Variants in MAD1L1 observed in about 807,000 individuals in gnomAD.
The protein encoded by MAD1L1 is mitotic arrest deficient 1 like 1.
In MAD1L1, 95 loss-of-function variants were observed where a neutral mutation model predicts 96.9. That is an observed-to-expected ratio of 0.98 (90% CI 0.83 to 1.16). The LOEUF (loss-of-function observed/expected upper bound fraction) is 1.16, where lower values mean the gene tolerates loss of function less well. Among genes scored for constraint, MAD1L1 ranks in the 50% most tolerant of loss-of-function variants. The pLI, the probability that MAD1L1 is intolerant of heterozygous loss-of-function variation, is 0.00. For missense variants in MAD1L1, 1,007 were observed against 954.4 expected, an observed-to-expected ratio of 1.06 and a Z score of -0.73; for synonymous variants, 473 against 396.6, an observed-to-expected ratio of 1.19 and a Z score of -2.29.
chr7:1,872,126 C>T (rs902558642), intron 18 of MAD1L1, among the ~76,000 whole-genome samples: 2 of 152,330 alleles, frequency 1.3e-5, no homozygotes, highest in East Asian at 3.9e-4. Flanking sequence ...AGGCCATCTG[C>T]GCTCCCTCTG....
chr7:2,208,926 G>A (rs73041349), intron 10 of MAD1L1, among the ~76,000 whole-genome samples: 9,288 of 151,954 alleles, frequency 0.061, 385 homozygotes, highest in Non-Finnish European at 0.089. Context: ...CACACGCCTC[G>A]CACTGCTGCT....
intron 11 of MAD1L1, among the ~76,000 whole-genome samples, chr7:2,134,265 T>C (rs376181251): frequency 8.5e-5 from 13 of 152,248 alleles, no homozygotes; most frequent in African/African-American, 2.4e-4. Context: ...ATGTAAATAG[T>C]ACTGGGTGTT....
intron 18 of MAD1L1, among the ~76,000 whole-genome samples, chr7:1,870,370 T>A (rs1335316719): frequency 7.2e-6 from 1 of 139,188 alleles, no homozygotes; most frequent in South Asian, 2.4e-4. Flanking sequence ...GAACCCAACA[T>A]ACGCTTGCCA....
chr7:2,118,736 C>T (rs1303125357), intron 11 of MAD1L1, among the ~76,000 whole-genome samples: 1 of 152,288 alleles, frequency 6.6e-6, no homozygotes, highest in East Asian at 1.9e-4. Context: ...AGGCTCGGCT[C>T]ACAGTCTTCC....
At position 1,817,736 on chromosome 7, in the gene MAD1L1, C is replaced by G. The variant is rs535880199; in HGVS notation, c.1999-1508G>C. On this transcript the variant is annotated intron_variant, in intron 18 of 18. Transcript: ENST00000265854. ...GTGTGTGCATCGGAGCTCAGGAAACCGTTTTGGAAAGCGCTCCCTCCGCCC... is the reference window on the plus strand; with the variant it reads ...GTGTGTGCATCGGAGCTCAGGAAACGGTTTTGGAAAGCGCTCCCTCCGCCC... Among the ~76,000 whole-genome samples, 341 of 152,220 alleles carry G rather than the reference C, an allele frequency of 2.2e-3. 2 individuals are homozygous for G. Among genetic ancestry groups the G allele is most frequent in the African/African-American group, 7.9e-3 (327 of 41,548 alleles).
At chr7:1,843,483 G>A (rs1307128487) in intron 18 of MAD1L1, among the ~76,000 whole-genome samples, 3 of 152,202 alleles carry the variant, frequency 2.0e-5, no homozygotes, top group Non-Finnish European at 1.5e-5. Flanking sequence ...CCACAAGTGG[G>A]CAGCTTTTCC....
At chr7:1,923,486 G>C (rs10950447) in intron 17 of MAD1L1, among the ~76,000 whole-genome samples, 118,700 of 150,026 alleles carry the variant, frequency 0.79, 47,221 homozygotes, top group East Asian at 0.9. Context: ...CGCCCCGGCA[G>C]CCGGGCAACC....
intron 18 of MAD1L1, among the ~76,000 whole-genome samples, chr7:1,871,170 G>A (rs113518385): frequency 8.2e-3 from 470 of 57,334 alleles, no homozygotes; most frequent in Admixed American, 0.011. Flanking sequence ...AACACCTGCC[G>A]CGCTGAACCC....
At chr7:2,063,803 C>T (rs541584644) in intron 12 of MAD1L1, among the ~76,000 whole-genome samples, 34 of 152,330 alleles carry the variant, frequency 2.2e-4, no homozygotes, top group African/African-American at 7.7e-4. Context: ...TCATGATCCA[C>T]GGGCCACTCT....
intron 13 of MAD1L1, among the ~76,000 whole-genome samples, chr7:2,014,016 G>A (rs1782418136): frequency 6.6e-6 from 1 of 152,154 alleles, no homozygotes; most frequent in Non-Finnish European, 1.5e-5. Context: ...GCTGCAACAA[G>A]GAGGAACACC....
intron 17 of MAD1L1, among the ~76,000 whole-genome samples, chr7:1,933,867 C>T (rs960366059): frequency 6.6e-6 from 1 of 152,198 alleles, no homozygotes; most frequent in Non-Finnish European, 1.5e-5. Flanking sequence ...TCCCCTAACG[C>T]CACTTGCAGC....
intron 10 of MAD1L1, among the ~76,000 whole-genome samples, chr7:2,166,791 A>G (rs1240916820): frequency 3.3e-5 from 5 of 152,132 alleles, no homozygotes; most frequent in Non-Finnish European, 7.3e-5. Context: ...CCTGGCAGGG[A>G]GCTGCAGGGC....
Position 2,203,412 on chromosome 7 carries a change from C to T in MAD1L1, c.986+9800G>A, listed in dbSNP as rs564119761. Among the ~76,000 whole-genome samples, 5 of 152,358 alleles carry T rather than the reference C, an allele frequency of 3.3e-5. No homozygotes were observed. The South Asian group carries it at 1.0e-3, about 32-fold the overall frequency. ...CCATTAGGTGACGGCAGTCACACGC[C>T]GTGACGGGAGCGCACAGCACTCATG... On this transcript the variant is annotated intron_variant, in intron 10 of 18. Coordinates refer to ENST00000265854, the MANE Select transcript of MAD1L1 (RefSeq NM_001013836.2).
intron 11 of MAD1L1, among the ~76,000 whole-genome samples, chr7:2,129,457 G>A (rs183376391): frequency 9.0e-4 from 137 of 152,304 alleles, no homozygotes; most frequent in African/African-American, 2.5e-3. Context: ...GCTAGGCAGC[G>A]CCCCTCCTGC....
At chr7:1,843,241 G>A (rs1430205850) in intron 18 of MAD1L1, among the ~76,000 whole-genome samples, 8 of 152,190 alleles carry the variant, frequency 5.3e-5, no homozygotes, top group African/African-American at 9.7e-5. Context: ...TCTTTCTGGC[G>A]TCTTTCTCTG....
At chr7:2,148,165 A>C (rs1458865044) in intron 11 of MAD1L1, among the ~76,000 whole-genome samples, 2 of 152,256 alleles carry the variant, frequency 1.3e-5, no homozygotes, top group Non-Finnish European at 2.9e-5. Flanking sequence ...TCAAAGTGAC[A>C]TCAGCCCCCA....
chr7:1,988,731 G>A (rs1406212936), intron 14 of MAD1L1, among the ~76,000 whole-genome samples: 1 of 152,216 alleles, frequency 6.6e-6, no homozygotes, highest in African/African-American at 2.4e-5. Flanking sequence ...CAAAAGCCTG[G>A]AGGACAGGAT....
intron 10 of MAD1L1, among the ~76,000 whole-genome samples, chr7:2,154,365 T>G (rs921576495): frequency 1.3e-5 from 2 of 151,866 alleles, no homozygotes; most frequent in African/African-American, 2.4e-5. Context: ...ATGAAGAGAG[T>G]TGAGTTAATG....
chr7:2,100,289 C>T (rs978982618), intron 11 of MAD1L1, among the ~76,000 whole-genome samples: 2 of 152,226 alleles, frequency 1.3e-5, no homozygotes, highest in African/African-American at 4.8e-5. Context: ...TAGATCTCCG[C>T]GTTCTCCTTT....
Sources: gnomAD v4.1 joint callset for allele counts (sites outside exome capture counted in the v4.1 genomes callset) on GRCh38, gnomAD v4.1.1 for gene constraint, MANE v1.5 for transcripts, NCBI Gene and HGNC (gene_info 2026-07-23, HGNC 2026-07-21) for gene names.